Variants in CTNNA3 observed in about 807,000 individuals in gnomAD.
CTNNA3 encodes the protein catenin alpha 3, also known as catenin alpha-3.
CTNNA3 carries 76 observed loss-of-function variants against 95.7 expected under a neutral mutation model. That is an observed-to-expected ratio of 0.79 (90% CI 0.66 to 0.96). The LOEUF (loss-of-function observed/expected upper bound fraction) is 0.96, where lower values mean the gene tolerates loss of function less well. CTNNA3 is among the 40% of genes least tolerant of loss of function. The pLI, the probability that CTNNA3 is intolerant of heterozygous loss-of-function variation, is 0.00. For missense variants in CTNNA3, 1,191 were observed against 1,089.8 expected, an observed-to-expected ratio of 1.09 and a Z score of -1.31; for synonymous variants, 431 against 374.4, an observed-to-expected ratio of 1.15 and a Z score of -1.74.
chr10:66,515,892 G>A (rs1365770176), intron 11 of CTNNA3, among the ~76,000 whole-genome samples: 1 of 152,038 alleles, frequency 6.6e-6, no homozygotes, highest in Non-Finnish European at 1.5e-5. Flanking sequence ...AATTCAAGAT[G>A]AGATTTTGGT....
intron 3 of CTNNA3, among the ~76,000 whole-genome samples, chr10:67,602,740 G>A (rs757237197): frequency 6.6e-6 from 1 of 152,044 alleles, no homozygotes; most frequent in Non-Finnish European, 1.5e-5. Context: ...GACTGATGAC[G>A]TACATACTTA....
At chr10:66,102,404 C>T (rs1215273978) in intron 14 of CTNNA3, among the ~76,000 whole-genome samples, 1 of 152,098 alleles carries the variant, frequency 6.6e-6, no homozygotes. Flanking sequence ...ATTAGTATCT[C>T]TGCTTTACAA....
chr10:66,694,503 A>G (rs1416614485), intron 9 of CTNNA3, among the ~76,000 whole-genome samples: 1 of 152,168 alleles, frequency 6.6e-6, no homozygotes, highest in Admixed American at 6.5e-5. Context: ...CCAGGACCAG[A>G]CGGATTCACA....
chr10:67,253,777 GA>G (rs1448568889), intron 5 of CTNNA3, among the ~76,000 whole-genome samples: 1 of 152,172 alleles, frequency 6.6e-6, no homozygotes, highest in East Asian at 1.9e-4. Flanking sequence ...GATGAACCAT[GA>G]CTGGCAGAAC....
intron 7 of CTNNA3, among the ~76,000 whole-genome samples, chr10:67,006,536 T>C (rs1852001664): frequency 9.4e-6 from 1 of 106,950 alleles, no homozygotes; most frequent in African/African-American, 3.1e-5. Context: ...CCAGATGTTT[T>C]CTATTCTCTT....
intron 7 of CTNNA3, among the ~76,000 whole-genome samples, chr10:66,849,380 T>C (rs1170906113): frequency 6.6e-6 from 1 of 152,200 alleles, no homozygotes; most frequent in Non-Finnish European, 1.5e-5. Flanking sequence ...TGTTGTTCCC[T>C]TATGTTTGTT....
At chr10:66,232,036 A>G (rs769361631) in intron 13 of CTNNA3, among the ~76,000 whole-genome samples, 4 of 152,222 alleles carry the variant, frequency 2.6e-5, no homozygotes, top group Non-Finnish European at 4.4e-5. Context: ...AAGAATATCT[A>G]ATGAAATACA....
chr10:66,696,250 G>C (rs1847759411), intron 9 of CTNNA3, among the ~76,000 whole-genome samples: 1 of 152,152 alleles, frequency 6.6e-6, no homozygotes. Context: ...GATGTCATCA[G>C]TGTTTCAGAA....
At chr10:67,337,833 CAT>C (rs1199425647) in intron 5 of CTNNA3, among the ~76,000 whole-genome samples, 3 of 152,166 alleles carry the variant, frequency 2.0e-5, no homozygotes, top group African/African-American at 7.2e-5. Flanking sequence ...TTTAAATTAA[CAT>C]ATGCACAGTG....
intron 10 of CTNNA3, among the ~76,000 whole-genome samples, chr10:66,572,061 A>G (rs1391076422): frequency 2.0e-5 from 3 of 152,068 alleles, no homozygotes; most frequent in Non-Finnish European, 2.9e-5. Flanking sequence ...TATGCTACAC[A>G]GTCTCCCATG....
intron 7 of CTNNA3, among the ~76,000 whole-genome samples, chr10:67,043,135 CTT>C (rs34946963): frequency 0.034 from 3,476 of 103,744 alleles, 111 homozygotes; most frequent in African/African-American, 0.078. Context: ...CACTTTCTTT[CTT>C]TTTTTTTTTT....
intron 11 of CTNNA3, among the ~76,000 whole-genome samples, chr10:66,401,658 C>CTTTT (rs540003137): frequency 6.0e-5 from 7 of 116,290 alleles, no homozygotes; most frequent in South Asian, 2.9e-4. Flanking sequence ...CCATTTCTTT[C>CTTTT]TTTTTTTTTT....
At chr10:66,105,410 C>T (rs964372998) in intron 13 of CTNNA3, among the ~76,000 whole-genome samples, 4 of 152,278 alleles carry the variant, frequency 2.6e-5, no homozygotes, top group Non-Finnish European at 4.4e-5. Context: ...CTTTCTTGTG[C>T]CCTGTTGTTT....
chr10:66,564,330 T>G (rs997498607), intron 10 of CTNNA3, among the ~76,000 whole-genome samples: 6 of 152,096 alleles, frequency 3.9e-5, no homozygotes, highest in Non-Finnish European at 8.8e-5. Flanking sequence ...AATGAGCAGA[T>G]GTACAATGGC....
intron 6 of CTNNA3, among the ~76,000 whole-genome samples, chr10:67,206,672 A>G (rs1863914049): frequency 6.6e-6 from 1 of 151,404 alleles, no homozygotes; most frequent in African/African-American, 2.4e-5. Flanking sequence ...AAAAAAAAAA[A>G]ATTAAGAGTT....
At chr10:66,179,580 T>C (rs1223534178) in intron 13 of CTNNA3, among the ~76,000 whole-genome samples, 5 of 152,114 alleles carry the variant, frequency 3.3e-5, no homozygotes, top group African/African-American at 4.8e-5. Flanking sequence ...TCAAAATAAA[T>C]AGATCTACTT....
At chr10:66,148,939 T>C (rs1275504246) in intron 13 of CTNNA3, among the ~76,000 whole-genome samples, 4 of 151,720 alleles carry the variant, frequency 2.6e-5, no homozygotes, top group African/African-American at 9.7e-5. Flanking sequence ...TGTACAGTTA[T>C]ATACATTAAT....
intron 5 of CTNNA3, among the ~76,000 whole-genome samples, chr10:67,269,942 G>A (rs774555315): frequency 2.2e-4 from 33 of 151,958 alleles, no homozygotes; most frequent in Non-Finnish European, 4.0e-4. Flanking sequence ...CAACTCAGAA[G>A]GGAAAAAAAT....
At chr10:67,633,907 C>G in intron 2 of CTNNA3, among the ~76,000 whole-genome samples, 1 of 152,142 alleles carries the variant, frequency 6.6e-6, no homozygotes, top group South Asian at 2.1e-4. Context: ...AAACACAGTT[C>G]AGGATATCAT....
Sources: gnomAD v4.1 joint callset for allele counts (sites outside exome capture counted in the v4.1 genomes callset) on GRCh38, gnomAD v4.1.1 for gene constraint, MANE v1.5 for transcripts, NCBI Gene and HGNC (gene_info 2026-07-23, HGNC 2026-07-21) for gene names.